The following IFT80 variants were observed in gnomAD, a reference collection of about 807,000 sequenced individuals.
The protein encoded by IFT80 is intraflagellar transport protein 80 homolog.
IFT80 carries 79 observed loss-of-function variants against 107.9 expected under a neutral mutation model. That is an observed-to-expected ratio of 0.73 (90% CI 0.61 to 0.88). The LOEUF (loss-of-function observed/expected upper bound fraction) is 0.88, where lower values mean the gene tolerates loss of function less well. IFT80 is among the 40% of genes least tolerant of loss of function. The probability of loss-of-function intolerance (pLI) is 0.00; values close to 1 mark genes in which losing one functional copy is unlikely to be tolerated. For synonymous variants in IFT80, 299 were observed against 300.9 expected (o/e 0.99, Z 0.07); for missense variants, 797 against 914.2 (o/e 0.87, Z 1.65).
chr3:160,273,343 T>G (rs915307528), intron 18 of IFT80, among the ~76,000 whole-genome samples: 5 of 152,112 alleles, frequency 3.3e-5, no homozygotes, highest in Non-Finnish European at 1.5e-5. Context: ...ATTTCCATTG[T>G]GAAAAGATCA....
chr3:160,299,088 C>T (rs917258804), intron 12 of IFT80: 2 of 988,474 alleles, frequency 2.0e-6, no homozygotes, highest in Non-Finnish European at 2.4e-6. Context: ...ATCACAGGGA[C>T]TTTCAATCTT....
intron 1 of IFT80, among the ~76,000 whole-genome samples, chr3:160,396,769 G>A (rs941536103): frequency 1.3e-5 from 2 of 152,142 alleles, no homozygotes; most frequent in African/African-American, 2.4e-5. Context: ...TTAATTTCAT[G>A]AGACATGTCC....
chr3:160,315,397 G>C (rs1298741960), intron 9 of IFT80, among the ~76,000 whole-genome samples: 1 of 152,106 alleles, frequency 6.6e-6, no homozygotes, highest in South Asian at 2.1e-4. Context: ...TCTGTTTTAG[G>C]GTAAAGATCT....
rs141433478 is a variant in IFT80, at chr3:160,277,589, T to C, written c.1918A>G (p.Ile640Val). Residue 640 changes from isoleucine (I) to valine (V), a missense_variant, in exon 17 of 20, where the codon ATT (isoleucine) becomes GTT (valine). By Grantham distance (29) the Ile-to-Val change is conservative. Transcript: ENST00000326448. ...AAACATTAATTACTTACTTCACCAATTGCTGCATAGGCTATTTCTGCAGTA... is the reference window on the plus strand; with the variant it reads ...AAACATTAATTACTTACTTCACCAACTGCTGCATAGGCTATTTCTGCAGTA... ...MTTAEIAYAA[I>V]GEIDKVQYIN... The C allele has an allele frequency of 2.5e-6, 4 of 1,611,910 alleles. No individual in the cohort carries two copies. Among genetic ancestry groups the C allele is most frequent in the Non-Finnish European group, 3.4e-6 (4 of 1,178,096 alleles).
rs547641721 is a variant in IFT80, at chr3:160,373,644, C to T, written c.439+2168G>A. On this transcript the variant is annotated intron_variant, in intron 5 of 19. Coordinates refer to ENST00000326448, the MANE Select transcript of IFT80 (RefSeq NM_020800.3). Reference sequence around the variant, plus strand: ...ACATAGAATCAGTGGGAGCCCTGAACTTGTTTTCCTGCAACAAGATGGTCA... The same window carrying T: ...ACATAGAATCAGTGGGAGCCCTGAATTTGTTTTCCTGCAACAAGATGGTCA... 2.9e-5 allele frequency: 5 copies of T among 170,420 alleles called. No homozygotes were observed. The South Asian group carries it at 8.8e-4, about 30-fold the overall frequency. The allele number at this position is 170,420 out of a possible 1,614,324, so 10.6% of individuals were successfully genotyped here. A position where few individuals can be genotyped will look rare whatever the true frequency, so the allele number is the denominator to read the frequency against.
chr3:160,297,057 T>C (rs1485139792), intron 12 of IFT80, among the ~76,000 whole-genome samples: 1 of 152,166 alleles, frequency 6.6e-6, no homozygotes, highest in Non-Finnish European at 1.5e-5. Context: ...TAATTCATAG[T>C]TCTCTATTTC....
chr3:160,336,913 A>G (rs1288693345), intron 8 of IFT80, among the ~76,000 whole-genome samples: 1 of 152,172 alleles, frequency 6.6e-6, no homozygotes, highest in Admixed American at 6.5e-5. Context: ...TTTTTAGGGC[A>G]ATTTTCTATT....
At chr3:160,369,731 AAC>A (rs1162573822) in intron 5 of IFT80, among the ~76,000 whole-genome samples, 13 of 152,220 alleles carry the variant, frequency 8.5e-5, no homozygotes, top group African/African-American at 3.1e-4. Flanking sequence ...ATTACTTTAA[AAC>A]AGAGTTTAGC....
chr3:160,353,722 C>T (rs1311798303), intron 8 of IFT80, among the ~76,000 whole-genome samples: 2 of 152,196 alleles, frequency 1.3e-5, no homozygotes, highest in Admixed American at 6.5e-5. Flanking sequence ...TCCTGTATAG[C>T]ACTTGTCATA....
intron 18 of IFT80, among the ~76,000 whole-genome samples, chr3:160,276,218 C>T (rs1455830697): frequency 6.6e-6 from 1 of 151,984 alleles, no homozygotes; most frequent in Non-Finnish European, 1.5e-5. Context: ...ATCCTTTGTA[C>T]AGATAAACAA....
At chr3:160,286,940 T>C (rs991741156) in intron 12 of IFT80, among the ~76,000 whole-genome samples, 1 of 152,054 alleles carries the variant, frequency 6.6e-6, no homozygotes, top group African/African-American at 2.4e-5. Context: ...CCTAGATAGC[T>C]TCAGGATAGG....
chr3:160,301,540 A>G (rs1212830725), intron 11 of IFT80, among the ~76,000 whole-genome samples: 5 of 151,996 alleles, frequency 3.3e-5, no homozygotes, highest in African/African-American at 9.7e-5. Context: ...AAAAATTAAC[A>G]TTAGGGCAAG....
intron 12 of IFT80, chr3:160,299,324 C>A: frequency 3.9e-6 from 3 of 773,716 alleles, no homozygotes; most frequent in Admixed American, 4.2e-5. Context: ...TATTTCCTGC[C>A]AGTATAAGAG....
At chr3:160,289,685 G>T (rs1393356999) in intron 12 of IFT80, among the ~76,000 whole-genome samples, 1 of 152,108 alleles carries the variant, frequency 6.6e-6, no homozygotes, top group Non-Finnish European at 1.5e-5. Flanking sequence ...GGAAGAATTT[G>T]GAAAGCAGAA....
chr3:160,297,965 A>G (rs1263954999), intron 12 of IFT80, among the ~76,000 whole-genome samples: 3 of 152,164 alleles, frequency 2.0e-5, no homozygotes, highest in Non-Finnish European at 4.4e-5. Context: ...GCTTCGAAAC[A>G]TGAGTAACTA....
At chr3:160,394,893 A>G (rs1301506205) in intron 1 of IFT80, among the ~76,000 whole-genome samples, 4 of 152,220 alleles carry the variant, frequency 2.6e-5, no homozygotes, top group African/African-American at 9.6e-5. Context: ...AAAGTGAGAT[A>G]TATTTAAGCT....
At chr3:160,310,636 A>C (rs1445215697) in intron 9 of IFT80, among the ~76,000 whole-genome samples, 4 of 151,176 alleles carry the variant, frequency 2.6e-5, no homozygotes, top group Non-Finnish European at 5.9e-5. Context: ...TAAAAACATT[A>C]AGGTACAAAA....
chr3:160,268,363 ATATACT>A (rs1713512437), intron 19 of IFT80, 44 bp downstream of exon 19: 4 of 1,481,024 alleles, frequency 2.7e-6, no homozygotes, highest in Admixed American at 1.7e-5. Flanking sequence ...TGAATATGAC[ATATACT>A]TATAAAGCAT....
At chr3:160,290,672 C>G (rs1715486551) in intron 12 of IFT80, among the ~76,000 whole-genome samples, 1 of 152,082 alleles carries the variant, frequency 6.6e-6, no homozygotes, top group Non-Finnish European at 1.5e-5. Flanking sequence ...ACTCTGCCTC[C>G]TGGGTTCAAG....
Sources: allele counts gnomAD v4.1 joint callset (sites outside exome capture counted in the v4.1 genomes callset), GRCh38; gene constraint gnomAD v4.1.1; transcripts MANE v1.5; gene names NCBI Gene and HGNC (gene_info 2026-07-23, HGNC 2026-07-21).